NAV3: variants seen among roughly 807,000 people sequenced by gnomAD.
The protein encoded by NAV3 is neuron navigator 3.
NAV3 carries 87 observed loss-of-function variants against 244.7 expected under a neutral mutation model. That is an observed-to-expected ratio of 0.36 (90% CI 0.30 to 0.42). The LOEUF (loss-of-function observed/expected upper bound fraction) is 0.42, where lower values mean the gene tolerates loss of function less well. Among genes scored for constraint, NAV3 ranks in the 20% least tolerant of loss-of-function variants. The pLI is 1.00. For missense variants in NAV3, 2,663 were observed against 2,893.3 expected, an observed-to-expected ratio of 0.92 and a Z score of 1.83; for synonymous variants, 1,126 against 1,042.2, an observed-to-expected ratio of 1.08 and a Z score of -1.55.
chr12:77,886,749 T>C (rs1883338031), intron 1 of NAV3, among the ~76,000 whole-genome samples: 1 of 152,150 alleles, frequency 6.6e-6, no homozygotes, highest in East Asian at 1.9e-4. Context: ...CTTTTTTTCT[T>C]ACATAAATAT....
At chr12:77,644,657 C>G (rs546458851) in intron 2 of NAV3, among the ~76,000 whole-genome samples, 1 of 151,920 alleles carries the variant, frequency 6.6e-6, no homozygotes, top group Non-Finnish European at 1.5e-5. Flanking sequence ...CTTGGCTTTT[C>G]CTGTCTGAAA....
chr12:78,180,309 T>A (rs565107475), intron 29 of NAV3, among the ~76,000 whole-genome samples: 2 of 152,268 alleles, frequency 1.3e-5, no homozygotes, highest in Admixed American at 1.3e-4. Flanking sequence ...CTGAGCAGAT[T>A]CATCTGCCAC....
intron 2 of NAV3, among the ~76,000 whole-genome samples, chr12:77,800,786 A>ACAGGC (rs1871664242): frequency 6.6e-6 from 1 of 152,174 alleles, no homozygotes; most frequent in Non-Finnish European, 1.5e-5. Context: ...TTTGTAAGAT[A>ACAGGC]AAACACACAA....
intron 2 of NAV3, among the ~76,000 whole-genome samples, chr12:77,825,005 G>A (rs1872915427): frequency 6.6e-6 from 1 of 152,104 alleles, no homozygotes; most frequent in Non-Finnish European, 1.5e-5. Context: ...ACATAGAAAG[G>A]AACAAAGATC....
chr12:78,029,289 A>G (rs1878590764), intron 9 of NAV3, among the ~76,000 whole-genome samples: 1 of 152,182 alleles, frequency 6.6e-6, no homozygotes, highest in African/African-American at 2.4e-5. Flanking sequence ...TTCATTGAAC[A>G]TTGATAACAT....
intron 2 of NAV3, among the ~76,000 whole-genome samples, chr12:77,658,876 T>C (rs1873273149): frequency 5.3e-5 from 8 of 152,158 alleles, no homozygotes; most frequent in Admixed American, 5.2e-4. Context: ...CCCTATTTAA[T>C]AAATGGGGCT....
chr12:77,681,057 A>C (rs1847318593), intron 2 of NAV3, among the ~76,000 whole-genome samples: 1 of 152,154 alleles, frequency 6.6e-6, no homozygotes, highest in South Asian at 2.1e-4. Flanking sequence ...TCATTGGTAC[A>C]TACTTAAATT....
chr12:77,748,687 T>TC (rs775875431), intron 2 of NAV3, among the ~76,000 whole-genome samples: 1 of 151,400 alleles, frequency 6.6e-6, no homozygotes, highest in Non-Finnish European at 1.5e-5. Flanking sequence ...TCTACAAGAG[T>TC]CCAACTTAAA....
At position 77,745,902 on chromosome 12, in the gene NAV3, T is replaced by C. The variant is rs148509129; in HGVS notation, c.72+173636T>C. Among the ~76,000 whole-genome samples the C allele has an allele frequency of 2.8e-3, 405 of 146,934 alleles. 3 individuals carry two copies. The highest frequency in any genetic ancestry group is 9.6e-3 in the African/African-American group (382 of 39,762). On this transcript the variant is annotated intron_variant, in intron 2 of 8. Coordinates refer to the NAV3 transcript ENST00000550042. ...ATAGGAGACCAGGGATTTATCTGGG[T>C]AAATGGCACAGGGGTCAAGAAAGCT... is the stretch of plus-strand genomic sequence containing the variant.
intron 7 of NAV3, among the ~76,000 whole-genome samples, chr12:77,999,520 C>G (rs1872885735): frequency 6.6e-6 from 1 of 152,100 alleles, no homozygotes; most frequent in African/African-American, 2.4e-5. Flanking sequence ...CAGATGTGAT[C>G]TAGAAGCAAG....
chr12:77,627,470 A>G (rs570978580), intron 2 of NAV3, among the ~76,000 whole-genome samples: 28 of 152,294 alleles, frequency 1.8e-4, no homozygotes, highest in Non-Finnish European at 3.7e-4. Context: ...GCTGGAGACT[A>G]TTACAGGCAA....
chr12:77,684,695 A>T (rs1874633804), intron 2 of NAV3, among the ~76,000 whole-genome samples: 1 of 151,588 alleles, frequency 6.6e-6, no homozygotes, highest in African/African-American at 2.4e-5. Context: ...ATTTATTATA[A>T]TTTTTTTCTG....
At chr12:77,876,858 A>G (rs959594927) in intron 1 of NAV3, among the ~76,000 whole-genome samples, 2 of 152,088 alleles carry the variant, frequency 1.3e-5, no homozygotes, top group African/African-American at 4.8e-5. Flanking sequence ...TATGTTTCTA[A>G]TGAAAAGTTA....
At chr12:78,123,771 C>T (rs1028068700) in intron 16 of NAV3, among the ~76,000 whole-genome samples, 1 of 152,086 alleles carries the variant, frequency 6.6e-6, no homozygotes, top group African/African-American at 2.4e-5. Flanking sequence ...AAAATGTAAC[C>T]ATTTCCCTAT....
chr12:77,911,104 T>C (rs1209129318), intron 1 of NAV3, among the ~76,000 whole-genome samples: 2 of 152,108 alleles, frequency 1.3e-5, no homozygotes, highest in African/African-American at 2.4e-5. Flanking sequence ...GAAGAATGAA[T>C]ACCCTTAAGG....
chr12:77,860,025 G>A lies in NAV3; in HGVS notation c.243+28321G>A, dbSNP rs146340317. 3.2e-3 allele frequency among the ~76,000 whole-genome samples: 482 copies of A among 151,922 alleles called. 3 individuals carry two copies. The highest frequency in any genetic ancestry group is 5.3e-3 in the Non-Finnish European group (358 of 67,850). ...CCTGTATGTTAAAAAGAATGTGGTA[G>A]CTATATATGAACTGATAATGAAATA... On this transcript the variant is annotated intron_variant, in intron 1 of 39. Transcript: ENST00000397909.
intron 12 of NAV3, among the ~76,000 whole-genome samples, chr12:78,070,408 T>G (rs914956443): frequency 6.6e-6 from 1 of 151,926 alleles, no homozygotes; most frequent in Non-Finnish European, 1.5e-5. Context: ...TGAAGTTTTT[T>G]TTTTTTTTTT....
At chr12:77,671,536 A>G (rs11106208) in intron 2 of NAV3, among the ~76,000 whole-genome samples, 11,823 of 152,204 alleles carry the variant, frequency 0.078, 633 homozygotes, top group African/African-American at 0.16. Flanking sequence ...GTGGTCACCA[A>G]AACAGCATGA....
At chr12:77,617,773 C>T (rs1288902788) in intron 2 of NAV3, among the ~76,000 whole-genome samples, 2 of 152,196 alleles carry the variant, frequency 1.3e-5, no homozygotes, top group East Asian at 1.9e-4. Context: ...CTTTGTTCAG[C>T]TCCTAGTGGG....
Sources: allele counts gnomAD v4.1 joint callset (sites outside exome capture counted in the v4.1 genomes callset), GRCh38; gene constraint gnomAD v4.1.1; transcripts MANE v1.5; gene names NCBI Gene and HGNC (gene_info 2026-07-23, HGNC 2026-07-21).